Variants in KIAA1671 observed in about 807,000 individuals in gnomAD.
KIAA1671 encodes the protein KIAA1671, also known as uncharacterized protein KIAA1671.
KIAA1671 carries 52 observed loss-of-function variants against 131.2 expected under a neutral mutation model. That is an observed-to-expected ratio of 0.40 (90% CI 0.32 to 0.50). The LOEUF is 0.50. KIAA1671 is among the 20% of genes least tolerant of loss of function. The probability of loss-of-function intolerance (pLI) is 0.73; values close to 1 mark genes in which losing one functional copy is unlikely to be tolerated. For synonymous variants in KIAA1671, 1,003 were observed against 961.6 expected (o/e 1.04, Z -0.80); for missense variants, 2,360 against 2,364.2 (o/e 1.00, Z 0.04).
chr22:25,131,947 G>A (rs1265732446), intron 6 of KIAA1671, among the ~76,000 whole-genome samples: 1 of 152,200 alleles, frequency 6.6e-6, no homozygotes, highest in Non-Finnish European at 1.5e-5. Context: ...ACTCTTTAGC[G>A]CAGCATTGGC....
chr22:25,005,635 T>C lies in KIAA1671; in HGVS notation c.-207-19998T>C, dbSNP rs191576998. On this transcript the variant is annotated intron_variant, in intron 1 of 12. Coordinates refer to ENST00000358431, the MANE Select transcript of KIAA1671 (RefSeq NM_001145206.2). ...CTCTACTTTACCTGCCTCGTGGTAG[T>C]GTCCCCTGCATTTAAGGCAGAGGGA... Among the ~76,000 whole-genome samples the C allele has an allele frequency of 1.1e-4, 16 of 152,340 alleles. No individual in the cohort carries two copies. The East Asian group carries it at 2.7e-3, about 26-fold the overall frequency.
At chr22:25,030,101 G>T (rs989156097) in intron 3 of KIAA1671, among the ~76,000 whole-genome samples, 9 of 152,176 alleles carry the variant, frequency 5.9e-5, no homozygotes, top group Non-Finnish European at 1.3e-4. Context: ...TAAGTCAGTT[G>T]GTTAATAATG....
intron 1 of KIAA1671, among the ~76,000 whole-genome samples, chr22:25,017,080 G>A (rs1355079416): frequency 6.6e-6 from 1 of 152,060 alleles, no homozygotes; most frequent in South Asian, 2.1e-4. Context: ...TCAGGTTGTT[G>A]CCCTAGAAAG....
At chr22:25,170,290 C>T (rs867311954) in intron 6 of KIAA1671, among the ~76,000 whole-genome samples, 6 of 152,266 alleles carry the variant, frequency 3.9e-5, no homozygotes, top group African/African-American at 9.6e-5. Flanking sequence ...ATGGGATTGT[C>T]GAGGGACTGT....
intron 6 of KIAA1671, among the ~76,000 whole-genome samples, chr22:25,082,018 C>T (rs74472631): frequency 2.9e-3 from 439 of 152,214 alleles, no homozygotes; most frequent in African/African-American, 9.0e-3. Context: ...CTATGGAAGG[C>T]TTGATGCAGG....
chr22:25,137,074 T>C (rs889214680), intron 6 of KIAA1671, among the ~76,000 whole-genome samples: 35 of 152,192 alleles, frequency 2.3e-4, no homozygotes, highest in African/African-American at 8.2e-4. Context: ...CAAGTGGCTT[T>C]CCCTATATTT....
chr22:25,044,683 T>G (rs371254659), intron 5 of KIAA1671, among the ~76,000 whole-genome samples: 24 of 152,258 alleles, frequency 1.6e-4, no homozygotes, highest in African/African-American at 5.8e-4. Context: ...AAATGTTGGT[T>G]GTTAAAATTT....
chr22:24,961,127 G>A (rs1899165082), intron 1 of KIAA1671, among the ~76,000 whole-genome samples: 1 of 152,130 alleles, frequency 6.6e-6, no homozygotes, highest in Non-Finnish European at 1.5e-5. Flanking sequence ...TCCCACCTCA[G>A]CCTCCCAAGT....
At chr22:25,150,836 CTT>C (rs1324671566) in intron 6 of KIAA1671, among the ~76,000 whole-genome samples, 12 of 125,874 alleles carry the variant, frequency 9.5e-5, no homozygotes, top group Non-Finnish European at 8.3e-5. Context: ...GGGTCCTTTG[CTT>C]TTTTTTTTTT....
chr22:24,976,167 C>T (rs1922899721), intron 1 of KIAA1671, among the ~76,000 whole-genome samples: 1 of 152,220 alleles, frequency 6.6e-6, no homozygotes, highest in Admixed American at 6.5e-5. Context: ...CCGGGCACAT[C>T]CCCCTGGGAA....
chr22:25,103,206 A>C (rs1601316028), intron 6 of KIAA1671, among the ~76,000 whole-genome samples: 1 of 127,228 alleles, frequency 7.9e-6, no homozygotes, highest in African/African-American at 3.3e-5. Context: ...GTCCCCCCCC[A>C]ACCGCCTTTT....
At chr22:25,027,889 A>C in intron 2 of KIAA1671, 56 bp from the exon 3 acceptor site, 3 of 861,388 alleles carry the variant, frequency 3.5e-6, no homozygotes, top group Non-Finnish European at 5.3e-6. Flanking sequence ...ATTCTGCTTC[A>C]ACCCAGACAC....
At chr22:25,015,392 G>C (rs1017631535) in intron 1 of KIAA1671, among the ~76,000 whole-genome samples, 1 of 151,264 alleles carries the variant, frequency 6.6e-6, no homozygotes, top group Non-Finnish European at 1.5e-5. Context: ...AGAAAAACAC[G>C]GGGGGAAACA....
chr22:24,991,970 C>T (rs770375537), intron 1 of KIAA1671, among the ~76,000 whole-genome samples: 6 of 152,070 alleles, frequency 3.9e-5, no homozygotes, highest in African/African-American at 7.2e-5. Flanking sequence ...CTGTCCCCTC[C>T]GGTCTCTTCC....
At chr22:24,999,839 C>T (rs1360199713) in intron 1 of KIAA1671, among the ~76,000 whole-genome samples, 1 of 151,664 alleles carries the variant, frequency 6.6e-6, no homozygotes, top group African/African-American at 2.4e-5. Flanking sequence ...GGATTATAGG[C>T]GTGAGCCATT....
At chr22:25,181,405 A>AT (rs34850952) in intron 9 of KIAA1671, among the ~76,000 whole-genome samples, 49,345 of 152,014 alleles carry the variant, frequency 0.32, 8,407 homozygotes, top group East Asian at 0.48. Context: ...ATTTCCTTCT[A>AT]TTCCCTGACT....
At chr22:25,124,087 C>T (rs1932068293) in intron 6 of KIAA1671, among the ~76,000 whole-genome samples, 1 of 152,154 alleles carries the variant, frequency 6.6e-6, no homozygotes, top group South Asian at 2.1e-4. Context: ...GCTCAGCCAG[C>T]CTGGGGTCAG....
intron 5 of KIAA1671, among the ~76,000 whole-genome samples, chr22:25,047,810 T>C (rs376176288): frequency 1.6e-4 from 25 of 152,334 alleles, no homozygotes; most frequent in African/African-American, 6.0e-4. Flanking sequence ...GCACAAAAGT[T>C]TTTAATTTTG....
chr22:25,057,741 A>C (rs6004414), intron 6 of KIAA1671: 32,023 of 151,794 alleles, frequency 0.21, 3,503 homozygotes, highest in Middle Eastern at 0.28. Context: ...ACCTGGGCTC[A>C]AGCGATCCTT....
Sources: allele counts gnomAD v4.1 joint callset (sites outside exome capture counted in the v4.1 genomes callset), GRCh38; gene constraint gnomAD v4.1.1; transcripts MANE v1.5; gene names NCBI Gene and HGNC (gene_info 2026-07-23, HGNC 2026-07-21).